DLC1: variants seen among roughly 807,000 people sequenced by gnomAD.
DLC1 encodes rho GTPase-activating protein 7.
In DLC1, 54 loss-of-function variants were observed where a neutral mutation model predicts 140.3. That is an observed-to-expected ratio of 0.38 (90% confidence interval 0.31 to 0.48). DLC1 has a LOEUF of 0.48. Ranked by LOEUF, DLC1 falls within the 20% of genes least tolerant of loss-of-function variation. The probability of loss-of-function intolerance (pLI) is 0.96; values close to 1 mark genes in which losing one functional copy is unlikely to be tolerated. For synonymous variants in DLC1, 986 were observed against 728.1 expected (o/e 1.35, Z -5.70); for missense variants, 2,536 against 1,907.0 (o/e 1.33, Z -6.14).
intron 5 of DLC1, chr8:13,276,846 T>C (rs1356289792): frequency 6.4e-6 from 1 of 155,644 alleles, no homozygotes; most frequent in Non-Finnish European, 1.4e-5. Flanking sequence ...GCCTTGTCTT[T>C]AACTTTCAAG....
Position 13,274,594 on chromosome 8 carries a change from A to G in DLC1, c.1348+30675T>C, listed in dbSNP as rs1234638291. 3.3e-5 allele frequency among the ~76,000 whole-genome samples: 5 copies of G among 152,236 alleles called. No individual in the cohort carries two copies. The East Asian group carries it at 9.6e-4, about 29-fold the overall frequency. ...GTTATGTTTTGACTCCAAACATAGT[A>G]TTAATATATAACAGACAAATAAGAA... On this transcript the variant is annotated intron_variant, in intron 5 of 17. Transcript: ENST00000276297.
intron 4 of DLC1, among the ~76,000 whole-genome samples, chr8:13,384,512 A>T (rs904968996): frequency 8.6e-6 from 1 of 116,708 alleles, no homozygotes; most frequent in Admixed American, 7.8e-5. Context: ...TGCTTGGGAA[A>T]TATCTTTAAA....
At chr8:13,441,884 C>A (rs1006600272) in intron 2 of DLC1, among the ~76,000 whole-genome samples, 1 of 152,150 alleles carries the variant, frequency 6.6e-6, no homozygotes, top group Non-Finnish European at 1.5e-5. Flanking sequence ...CAAAAAAGGG[C>A]CTGCATTGCC....
intron 4 of DLC1, among the ~76,000 whole-genome samples, chr8:13,360,656 G>C (rs559783176): frequency 1.3e-5 from 2 of 151,482 alleles, no homozygotes; most frequent in African/African-American, 2.4e-5. Context: ...TGTGTTTTTT[G>C]GTTGCATAGT....
chr8:13,117,745 C>T lies in DLC1; in HGVS notation c.1349-2088G>A, dbSNP rs1018960839. On this transcript the variant is annotated intron_variant, in intron 5 of 17. Coordinates refer to ENST00000276297, the MANE Select transcript of DLC1 (RefSeq NM_182643.3). ...ATTCTCAGTGCCCGCCCTTTTTTGA[C>T]GATAGTCAGACACGGCAGTAGGTGA... is the stretch of plus-strand genomic sequence containing the variant. Among the ~76,000 whole-genome samples, 6 of 152,144 alleles carry T rather than the reference C, an allele frequency of 3.9e-5. 1 individual carries two copies. Among genetic ancestry groups the T allele is most frequent in the South Asian group, 4.1e-4 (2 of 4,828 alleles).
Position 13,114,190 on chromosome 8 carries a change from C to T in DLC1, c.1420+1396G>A, listed in dbSNP as rs191245853. ...CAGCTTGGCCAACATGGTAAAACCCCGGCTCTACTAAAAACACAAAAATTG... is the reference window on the plus strand; with the variant it reads ...CAGCTTGGCCAACATGGTAAAACCCTGGCTCTACTAAAAACACAAAAATTG... On this transcript the variant is annotated intron_variant, in intron 6 of 17. Coordinates refer to ENST00000276297, the MANE Select transcript of DLC1 (RefSeq NM_182643.3). Among the ~76,000 whole-genome samples, 286 of 152,188 alleles carry T rather than the reference C, an allele frequency of 1.9e-3. 1 individual carries two copies. Among genetic ancestry groups the T allele is most frequent in the Non-Finnish European group, 3.0e-3 (206 of 68,016 alleles).
intron 2 of DLC1, among the ~76,000 whole-genome samples, chr8:13,466,497 A>G (rs1799946257): frequency 6.6e-6 from 1 of 152,206 alleles, no homozygotes; most frequent in South Asian, 2.1e-4. Context: ...CAAGAGCCAG[A>G]AGAATATCTG....
chr8:13,310,846 G>T (rs1457814658), intron 4 of DLC1, among the ~76,000 whole-genome samples: 2 of 152,092 alleles, frequency 1.3e-5, no homozygotes, highest in African/African-American at 2.4e-5. Flanking sequence ...TCTTCTTGAT[G>T]GAGAGGGATT....
At chr8:13,439,576 A>C (rs1458974447) in intron 2 of DLC1, among the ~76,000 whole-genome samples, 1 of 151,934 alleles carries the variant, frequency 6.6e-6, no homozygotes, top group Non-Finnish European at 1.5e-5. Context: ...TATTTTTCCA[A>C]TCCTAATGGA....
intron 4 of DLC1, among the ~76,000 whole-genome samples, chr8:13,316,192 A>G (rs1211553892): frequency 6.6e-6 from 1 of 152,116 alleles, no homozygotes; most frequent in Non-Finnish European, 1.5e-5. Context: ...CCTACCAGCC[A>G]CTTGATCTAC....
chr8:13,549,754 T>C (rs939006945), intron 1 of DLC1, among the ~76,000 whole-genome samples: 5 of 152,192 alleles, frequency 3.3e-5, no homozygotes, highest in East Asian at 1.9e-4. Context: ...AGGGTGTTAC[T>C]GCCAAAAAAG....
intron 1 of DLC1, among the ~76,000 whole-genome samples, chr8:13,596,390 G>T (rs1041474211): frequency 6.6e-6 from 1 of 151,938 alleles, no homozygotes; most frequent in Non-Finnish European, 1.5e-5. Context: ...ACAGACTTCA[G>T]CCTCAAGTGT....
intron 2 of DLC1, among the ~76,000 whole-genome samples, chr8:13,407,392 C>G (rs115000631): frequency 0.01 from 1,543 of 152,262 alleles, 32 homozygotes; most frequent in African/African-American, 0.035. Context: ...TCTACAAATG[C>G]TCTTAACTGA....
At chr8:13,521,764 G>C (rs1225193834) in intron 1 of DLC1, among the ~76,000 whole-genome samples, 1 of 152,116 alleles carries the variant, frequency 6.6e-6, no homozygotes, top group Non-Finnish European at 1.5e-5. Flanking sequence ...TCCAATTTCT[G>C]TTAAAGTACA....
chr8:13,130,150 C>G (rs977814726), intron 5 of DLC1, among the ~76,000 whole-genome samples: 3 of 152,182 alleles, frequency 2.0e-5, no homozygotes, highest in African/African-American at 7.2e-5. Context: ...AAATACCACT[C>G]TGATTTAAAC....
At chr8:13,226,655 C>G (rs1408914245) in intron 5 of DLC1, among the ~76,000 whole-genome samples, 1 of 152,156 alleles carries the variant, frequency 6.6e-6, no homozygotes, top group African/African-American at 2.4e-5. Context: ...CCAGGGTGAT[C>G]TATGTATGTA....
intron 1 of DLC1, among the ~76,000 whole-genome samples, chr8:13,569,581 C>T (rs915931366): frequency 6.6e-6 from 1 of 152,152 alleles, no homozygotes; most frequent in South Asian, 2.1e-4. Flanking sequence ...CCCTTTTAGT[C>T]AACCAAGCTA....
chr8:13,140,567 T>A (rs1231096621), intron 5 of DLC1, among the ~76,000 whole-genome samples: 1 of 152,074 alleles, frequency 6.6e-6, no homozygotes, highest in Non-Finnish European at 1.5e-5. Flanking sequence ...TTTTTGTCTT[T>A]GCTTGTTGAT....
chr8:13,454,345 A>T (rs1019235679), intron 2 of DLC1, among the ~76,000 whole-genome samples: 1 of 152,192 alleles, frequency 6.6e-6, no homozygotes, highest in Admixed American at 6.5e-5. Context: ...GGAAAAAAAA[A>T]GTTCCTGTCT....
Sources: allele counts gnomAD v4.1 joint callset (sites outside exome capture counted in the v4.1 genomes callset), GRCh38; gene constraint gnomAD v4.1.1; transcripts MANE v1.5; gene names NCBI Gene and HGNC (gene_info 2026-07-23, HGNC 2026-07-21).